ATXN10: variants seen among roughly 807,000 people sequenced by gnomAD.
ATXN10 encodes the protein ataxin 10.
In ATXN10, 28 loss-of-function variants were observed where a neutral mutation model predicts 52.9. The observed-to-expected ratio is 0.53, with a 90% CI of 0.39 to 0.73. ATXN10 has a LOEUF of 0.73. Among genes scored for constraint, ATXN10 ranks in the 30% least tolerant of loss-of-function variants. The probability of loss-of-function intolerance (pLI) is 0.00; values close to 1 mark genes in which losing one functional copy is unlikely to be tolerated. For synonymous variants in ATXN10, 226 were observed against 221.5 expected (o/e 1.02, Z -0.18); for missense variants, 565 against 577.0 (o/e 0.98, Z 0.21).
chr22:45,683,286 T>C lies in ATXN10; in HGVS notation c.117-6426T>C, dbSNP rs1389937940. 3.3e-5 allele frequency among the ~76,000 whole-genome samples: 5 copies of C among 152,150 alleles called. No individual in the cohort carries two copies. The highest frequency in any genetic ancestry group is 9.7e-5 in the African/African-American group (4 of 41,438). On this transcript the variant is annotated intron_variant, in intron 1 of 11. Coordinates refer to ENST00000252934, the MANE Select transcript of ATXN10 (RefSeq NM_013236.4). This position sits in a 1 kb window ranked among gnomAD's most constrained non-coding sequence, Gnocchi z 4.8. Reference sequence around the variant, plus strand: ...GTGAGCTGAGATCCTGCCTCTGCACTCCAGCCTGGGCAACAGAGCAAAACT... The same window carrying C: ...GTGAGCTGAGATCCTGCCTCTGCACCCCAGCCTGGGCAACAGAGCAAAACT...
At chr22:45,751,754 ATAAAAAAAAAATAATAAT>A (rs1569049587) in intron 9 of ATXN10, among the ~76,000 whole-genome samples, 19 of 99,414 alleles carry the variant, frequency 1.9e-4, no homozygotes, top group Non-Finnish European at 2.9e-4. Context: ...AAAAAAAAAA[ATAAAAAAAAAATAATAAT>A]AATAATAATA....
intron 10 of ATXN10, among the ~76,000 whole-genome samples, chr22:45,827,173 G>A (rs1291504002): frequency 7.4e-6 from 1 of 135,704 alleles, no homozygotes; most frequent in Non-Finnish European, 1.6e-5. Context: ...ACACACACAC[G>A]GCTATAGAAT....
intron 1 of ATXN10, among the ~76,000 whole-genome samples, chr22:45,686,474 TTGTC>T (rs1923140312): frequency 6.6e-6 from 1 of 152,158 alleles, no homozygotes; most frequent in East Asian, 1.9e-4. Context: ...GGGAGTCTGT[TTGTC>T]TGGAAAAGTG....
At chr22:45,785,626 A>G (rs1430608811) in intron 9 of ATXN10, among the ~76,000 whole-genome samples, 1 of 152,180 alleles carries the variant, frequency 6.6e-6, no homozygotes, top group East Asian at 1.9e-4. Flanking sequence ...CCTGTTTTTC[A>G]TGAGGCCAGA....
chr22:45,814,228 C>T (rs1376909625), intron 10 of ATXN10, among the ~76,000 whole-genome samples: 4 of 152,114 alleles, frequency 2.6e-5, no homozygotes, highest in Non-Finnish European at 5.9e-5. Flanking sequence ...ACGATGTTTG[C>T]GTTACATATA....
rs1926631479 is a variant in ATXN10, at chr22:45,767,631, A to G, written c.1173+27093A>G. ...TACTTTGAAATCAGGTATATGTTTT[A>G]CTTAATTAAAAATTAAAAAGGAAAT... On this transcript the variant is annotated intron_variant, in intron 9 of 11. Coordinates refer to ENST00000252934, the MANE Select transcript of ATXN10 (RefSeq NM_013236.4). Among the ~76,000 whole-genome samples the G allele has an allele frequency of 2.6e-5, 4 of 152,212 alleles. No individual in the cohort carries two copies. In the South Asian group the frequency reaches 8.3e-4, roughly 32 times the overall value.
At chr22:45,751,763 A>AAAAT in intron 9 of ATXN10, among the ~76,000 whole-genome samples, 1 of 66,608 alleles carries the variant, frequency 1.5e-5, no homozygotes, top group Non-Finnish European at 2.9e-5. Flanking sequence ...AATAAAAAAA[A>AAAAT]AATAATAATA....
chr22:45,795,411 TTCTA>T lies in ATXN10; in HGVS notation c.1174-11546_1174-11543del, dbSNP rs879692897. Among the ~76,000 whole-genome samples, 537 of 150,354 alleles carry T rather than the reference TTCTA, an allele frequency of 3.6e-3. 3 individuals carry two copies. Among genetic ancestry groups the T allele is most frequent in the Non-Finnish European group, 6.4e-3 (437 of 67,788 alleles). On this transcript the variant is annotated intron_variant, in intron 9 of 11. Transcript: ENST00000252934. This position sits in a 1 kb window ranked among gnomAD's most constrained non-coding sequence, Gnocchi z 4.6. The stretch of plus-strand genomic sequence containing the variant: ...TTCTATTCTATTCTATTCTATTCTA[TTCTA>T]TTCTATTCTTTTTGAGATGAAGTCT...
chr22:45,742,883 C>T (rs767307693), intron 9 of ATXN10, among the ~76,000 whole-genome samples: 88 of 152,254 alleles, frequency 5.8e-4, no homozygotes, highest in Non-Finnish European at 1.2e-3. Flanking sequence ...AAGTTGATAG[C>T]GAATAAAGCA....
rs1337886952 is a variant in ATXN10 at position 45,674,801 on chromosome 22, C to T, written c.116+2622C>T. The T allele has an allele frequency of 2.6e-5, 4 of 152,322 alleles. No homozygotes were observed. The South Asian group carries it at 6.2e-4, about 24-fold the overall frequency. 9.4% of individuals were successfully genotyped at this position (152,322 alleles called of 1,614,324 possible). A position where few individuals can be genotyped will look rare whatever the true frequency, so the allele number is the denominator to read the frequency against. ...TCTTTTGGTGGAATACATTATTTCT[C>T]TAGGATTCCATTTTATATTTGAAGA... On this transcript the variant is annotated intron_variant, in intron 1 of 11. Transcript: ENST00000252934.
At chr22:45,756,723 T>C (rs1926186121) in intron 9 of ATXN10, among the ~76,000 whole-genome samples, 1 of 152,184 alleles carries the variant, frequency 6.6e-6, no homozygotes, top group Admixed American at 6.5e-5. Context: ...TTATTGTACA[T>C]CTTATGTTAC....
At chr22:45,812,319 AATATAAAT>A (rs1178375220) in intron 10 of ATXN10, among the ~76,000 whole-genome samples, 1 of 152,222 alleles carries the variant, frequency 6.6e-6, no homozygotes, top group East Asian at 1.9e-4. Flanking sequence ...GTTTCACCTC[AATATAAAT>A]ATACCATTGT....
chr22:45,807,987 C>T (rs1323381950), intron 10 of ATXN10, among the ~76,000 whole-genome samples: 4 of 152,128 alleles, frequency 2.6e-5, no homozygotes, highest in Admixed American at 1.3e-4. Context: ...GTAGACTGAG[C>T]GATGCTTATT....
chr22:45,713,742 C>T (rs1402147120), intron 5 of ATXN10, among the ~76,000 whole-genome samples: 1 of 152,196 alleles, frequency 6.6e-6, no homozygotes, highest in African/African-American at 2.4e-5. Flanking sequence ...CCAACCACAA[C>T]CCCTACTTCT....
At position 45,744,385 on chromosome 22, in the gene ATXN10, G is replaced by A. The variant is rs1167791967; in HGVS notation, c.1173+3847G>A. ...CCTGCTGGATGGCCCTCTTACACTT[G>A]TGTGGCACTTTCCATTTTCCAGAGC... On this transcript the variant is annotated intron_variant, in intron 9 of 11. Coordinates refer to ENST00000252934, the MANE Select transcript of ATXN10 (RefSeq NM_013236.4). The surrounding 1 kb of genome is among the most constrained non-coding windows in gnomAD (Gnocchi z 4.9). 6.6e-6 allele frequency: 1 copy of A among 152,254 alleles called. No individual in the cohort carries two copies. The highest frequency in any genetic ancestry group is 1.9e-4 in the East Asian group (1 of 5,196). 9.4% of individuals were successfully genotyped at this position (152,254 alleles called of 1,614,324 possible). A position where few individuals can be genotyped will look rare whatever the true frequency, so the allele number is the denominator to read the frequency against.
intron 9 of ATXN10, among the ~76,000 whole-genome samples, chr22:45,758,032 C>T (rs570634037): frequency 6.6e-5 from 10 of 152,220 alleles, no homozygotes; most frequent in Non-Finnish European, 1.3e-4. Flanking sequence ...ATGGCAGAGA[C>T]GGATGCAACT....
At chr22:45,686,602 G>A (rs758082889) in intron 1 of ATXN10, among the ~76,000 whole-genome samples, 3 of 152,070 alleles carry the variant, frequency 2.0e-5, no homozygotes, top group Non-Finnish European at 2.9e-5. Context: ...GGCAGATCAC[G>A]AGGTCAGGAG....
Position 45,678,575 on chromosome 22 carries a change from C to T in ATXN10, c.116+6396C>T, listed in dbSNP as rs945515866. On this transcript the variant is annotated intron_variant, in intron 1 of 11. Transcript: ENST00000252934. This position sits in a 1 kb window ranked among gnomAD's most constrained non-coding sequence, Gnocchi z 4.1. ...AGCCTTTTATGTATCTTTTTCCCTA[C>T]TCAGTAGTGCCTTTCTTGAAGGGAG... The T allele has an allele frequency of 4.6e-5, 7 of 152,156 alleles. No homozygotes were observed. The highest frequency in any genetic ancestry group is 8.8e-5 in the Non-Finnish European group (6 of 68,038). The allele number at this position is 152,156 out of a possible 1,614,324, so 9.4% of individuals were successfully genotyped here.
chr22:45,683,374 C>T lies in ATXN10; in HGVS notation c.117-6338C>T, dbSNP rs1923005949. 6.6e-6 allele frequency among the ~76,000 whole-genome samples: 1 copy of T among 152,156 alleles called. No homozygotes were observed. The highest frequency in any genetic ancestry group is 2.1e-4 in the South Asian group (1 of 4,826). On this transcript the variant is annotated intron_variant, in intron 1 of 11. Transcript: ENST00000252934. The surrounding 1 kb of genome is among the most constrained non-coding windows in gnomAD (Gnocchi z 4.8). ...GGCTTCACATCAGGATAAAAGCCAG[C>T]GTCCTTCCGTGGCCTACTGTGCCTG...
Sources: gnomAD v4.1 joint callset for allele counts (sites outside exome capture counted in the v4.1 genomes callset) on GRCh38, gnomAD v4.1.1 for gene constraint, Gnocchi (gnomAD v3.1) non-coding constraint, MANE v1.5 for transcripts, NCBI Gene and HGNC (gene_info 2026-07-23, HGNC 2026-07-21) for gene names.